The following FAAH2 variants were observed in gnomAD, a reference collection of about 807,000 sequenced individuals.
The protein encoded by FAAH2 is fatty-acid amide hydrolase 2.
Under a neutral mutation model 36.9 loss-of-function variants are expected in FAAH2, and 60 were observed. That is an observed-to-expected ratio of 1.63 (90% CI 1.32 to 2.02). FAAH2 has a LOEUF of 2.02. Ranked by LOEUF, FAAH2 falls within the 30% of genes most tolerant of loss-of-function variation. FAAH2 has a pLI of 0.00. For missense variants in FAAH2, 689 were observed against 397.5 expected (o/e 1.73, Z -6.23); for synonymous variants, 214 against 143.8 (o/e 1.49, Z -3.49).
chrX:57,249,656 C>T, the FAAH2 span, among the ~76,000 whole-genome samples: 1 of 112,304 alleles, frequency 8.9e-6, no homozygotes, highest in Non-Finnish European at 1.9e-5. Context: ...AAACTCTCTT[C>T]TTTCCCAGTC....
the FAAH2 span, among the ~76,000 whole-genome samples, chrX:57,231,034 A>AGTGTGTGT: frequency 0.028 from 2,674 of 94,379 alleles, 55 homozygotes; most frequent in Middle Eastern, 0.071. Flanking sequence ...CTCCAAAGGA[A>AGTGTGTGT]GTGTGTGTGT....
intron 10 of FAAH2, among the ~76,000 whole-genome samples, chrX:57,466,911 C>T (rs958286369): frequency 9.0e-6 from 1 of 111,249 alleles, no homozygotes; most frequent in Non-Finnish European, 1.9e-5. Context: ...GCCCTAATCA[C>T]ATACACAGAC....
At chrX:57,324,577 T>G (rs1354898152) in intron 3 of FAAH2, among the ~76,000 whole-genome samples, 4 of 111,913 alleles carry the variant, frequency 3.6e-5, no homozygotes, top group Non-Finnish European at 7.5e-5. Flanking sequence ...GTTGGATTCC[T>G]AGGTATTTTA....
chrX:57,165,440 A>T, the FAAH2 span, among the ~76,000 whole-genome samples: 4 of 111,322 alleles, frequency 3.6e-5, no homozygotes. Flanking sequence ...TATCGCAAGA[A>T]CAAAAAACCA....
At chrX:57,303,159 C>T (rs1388496016) in intron 2 of FAAH2, among the ~76,000 whole-genome samples, 1 of 111,587 alleles carries the variant, frequency 9.0e-6, no homozygotes, top group Non-Finnish European at 1.9e-5. Context: ...CCTGATTGCC[C>T]TGCCCCACCT....
At chrX:57,410,848 GT>G (rs1444029806) in intron 7 of FAAH2, among the ~76,000 whole-genome samples, 7 of 111,061 alleles carry the variant, frequency 6.3e-5, no homozygotes, top group Non-Finnish European at 1.1e-4. Context: ...TCATTTAGTT[GT>G]CTCTATGAGT....
At chrX:57,208,057 A>G in the FAAH2 span, among the ~76,000 whole-genome samples, 14 of 112,749 alleles carry the variant, frequency 1.2e-4, no homozygotes, top group South Asian at 3.6e-4. Flanking sequence ...CCAAGCCTCT[A>G]TATCACCCTC....
At chrX:57,241,922 G>T in the FAAH2 span, among the ~76,000 whole-genome samples, 1 of 111,090 alleles carries the variant, frequency 9.0e-6, no homozygotes, top group Non-Finnish European at 1.9e-5. Context: ...ATCTCTGAAA[G>T]AAAGGCAACA....
chrX:57,348,505 A>G (rs919424856), intron 5 of FAAH2, among the ~76,000 whole-genome samples: 3 of 110,820 alleles, frequency 2.7e-5, no homozygotes, highest in Non-Finnish European at 5.7e-5. Flanking sequence ...ACCTGGAACC[A>G]CCAATGTGGG....
At chrX:57,166,123 G>T in the FAAH2 span, among the ~76,000 whole-genome samples, 1 of 109,364 alleles carries the variant, frequency 9.1e-6, no homozygotes, top group Non-Finnish European at 1.9e-5. Flanking sequence ...TCAGCTGGGG[G>T]TGGTCGGAGG....
chrX:57,399,088 C>T (rs557703263), intron 7 of FAAH2, among the ~76,000 whole-genome samples: 18 of 111,557 alleles, frequency 1.6e-4, no homozygotes, highest in African/African-American at 5.5e-4. Flanking sequence ...TCATGGACTG[C>T]AACTGGGGCT....
chrX:57,357,601 G>T (rs1401628176), intron 5 of FAAH2, among the ~76,000 whole-genome samples: 1 of 111,847 alleles, frequency 8.9e-6, no homozygotes, highest in Non-Finnish European at 1.9e-5. Flanking sequence ...ATCATCACTG[G>T]TCATTAGAGA....
At chrX:57,487,045 T>C (rs551669801) in intron 10 of FAAH2, among the ~76,000 whole-genome samples, 1 of 111,641 alleles carries the variant, frequency 9.0e-6, no homozygotes, top group African/African-American at 3.3e-5. Context: ...AATAGTCTTT[T>C]CATCAAATGG....
chrX:57,178,456 A>G, the FAAH2 span, among the ~76,000 whole-genome samples: 209 of 111,396 alleles, frequency 1.9e-3, no homozygotes, highest in Non-Finnish European at 3.2e-3. Context: ...TTCTTGTTCT[A>G]TGTTACCCAG....
In FAAH2 at chrX:57,331,185, C is replaced by T. The variant is rs187627455; in HGVS notation, c.413-413C>T. 1.1e-3 allele frequency among the ~76,000 whole-genome samples: 118 copies of T among 111,910 alleles called. 1 individual carries two copies. Among genetic ancestry groups the T allele is most frequent in the African/African-American group, 3.7e-3 (115 of 30,790 alleles). On this transcript the variant is annotated intron_variant, in intron 3 of 10. Coordinates refer to ENST00000374900, the MANE Select transcript of FAAH2 (RefSeq NM_174912.4). ...CTCTGCTCCAGCTTGAGTTCTGCCC[C>T]TACCACTTCTCTGAGCACCTCTCCC...
At chrX:57,235,984 T>C in the FAAH2 span, among the ~76,000 whole-genome samples, 1 of 112,486 alleles carries the variant, frequency 8.9e-6, no homozygotes, top group Non-Finnish European at 1.9e-5. Flanking sequence ...TGAGCAAATG[T>C]TTCCATCTTC....
rs370438398 is a variant in FAAH2 at position 57,488,856 on chromosome X, A to G, written c.1523A>G (p.Asn508Ser). Residue 508 changes from asparagine to serine, a missense_variant, in exon 11 of 11, where the codon AAT becomes AGT. Transcript: ENST00000374900. ...LGIQVVAGPF[N>S]DHLTLAVAQY... ...ATCCAGGTTGTGGCTGGACCCTTTAATGATCATCTGACCCTGGCTGTGGCC... is the reference window on the plus strand; with the variant it reads ...ATCCAGGTTGTGGCTGGACCCTTTAGTGATCATCTGACCCTGGCTGTGGCC... 1.6e-5 allele frequency: 19 copies of G among 1,211,047 alleles called. No homozygotes were observed. The highest frequency in any genetic ancestry group is 2.1e-5 in the Non-Finnish European group (19 of 895,356).
rs774830022 is a variant in FAAH2, at chrX:57,400,551, A to C, written c.996+19522A>C. On this transcript the variant is annotated intron_variant, in intron 7 of 10. Coordinates refer to ENST00000374900, the MANE Select transcript of FAAH2 (RefSeq NM_174912.4). ...CAGGTGTCCATCTTACTAAATGGGT[A>C]TTGGCTTTCCGAGTTTTCTTAATTA... is the stretch of plus-strand genomic sequence containing the variant. 2.7e-5 allele frequency among the ~76,000 whole-genome samples: 3 copies of C among 112,403 alleles called. No individual in the cohort carries two copies. The South Asian group carries it at 1.1e-3, about 42-fold the overall frequency.
intron 10 of FAAH2, among the ~76,000 whole-genome samples, chrX:57,472,066 T>A (rs1234930960): frequency 8.9e-6 from 1 of 112,042 alleles, no homozygotes; most frequent in Non-Finnish European, 1.9e-5. Context: ...CTGGATCCCT[T>A]CCTTACACCT....
Sources: gnomAD v4.1 joint callset for allele counts (sites outside exome capture counted in the v4.1 genomes callset) on GRCh38, gnomAD v4.1.1 for gene constraint, MANE v1.5 for transcripts, NCBI Gene and HGNC (gene_info 2026-07-23, HGNC 2026-07-21) for gene names.